Variants in ZFAND3 observed in about 807,000 individuals in gnomAD.
The protein encoded by ZFAND3 is AN1-type zinc finger protein 3.
Under a neutral mutation model 29.6 loss-of-function variants are expected in ZFAND3, and 10 were observed. The ratio of observed to expected loss-of-function variants is 0.34; its 90% CI spans 0.21 to 0.57. ZFAND3 has a LOEUF of 0.57. Among genes scored for constraint, ZFAND3 ranks in the 20% least tolerant of loss-of-function variants. The pLI is 0.86. For missense variants in ZFAND3, 230 were observed against 304.5 expected (o/e 0.76, Z 1.82); for synonymous variants, 128 against 112.6 (o/e 1.14, Z -0.87).
intron 1 of ZFAND3, among the ~76,000 whole-genome samples, chr6:37,882,361 G>GC (rs952818346): frequency 5.9e-5 from 9 of 151,856 alleles, no homozygotes; most frequent in South Asian, 2.1e-4. Flanking sequence ...TGATATAGCC[G>GC]CCCCCCCAAT....
At chr6:37,830,534 A>G (rs1763841013) in intron 1 of ZFAND3, among the ~76,000 whole-genome samples, 1 of 152,222 alleles carries the variant, frequency 6.6e-6, no homozygotes, top group Non-Finnish European at 1.5e-5. Context: ...GTTTAGTGGA[A>G]ATAGCAGCAG....
chr6:38,016,861 T>G (rs1763260614), intron 2 of ZFAND3, among the ~76,000 whole-genome samples: 1 of 152,172 alleles, frequency 6.6e-6, no homozygotes, highest in Non-Finnish European at 1.5e-5. Context: ...TCTAGAAATA[T>G]TATTAAATAT....
intron 2 of ZFAND3, among the ~76,000 whole-genome samples, chr6:38,039,449 G>A (rs1452009693): frequency 6.6e-6 from 1 of 152,110 alleles, no homozygotes; most frequent in African/African-American, 2.4e-5. Flanking sequence ...GGTTGTAAAG[G>A]ATTTATAATT....
Position 38,153,813 on chromosome 6 carries a change from T to G in ZFAND3, c.*1424T>G. On this transcript the variant is annotated 3_prime_UTR_variant, in exon 6 of 6. Coordinates refer to ENST00000287218, the MANE Select transcript of ZFAND3 (RefSeq NM_021943.3). ...CCAGTGGTCCTAGTGCCGCATCAGA[T>G]CCAGGTGGGTGAGGGCAGGAGGCCC... 1 of 985,506 alleles carries G rather than the reference T, an allele frequency of 1.0e-6. No individual in the cohort carries two copies. 61.0% of individuals were successfully genotyped at this position (985,506 alleles called of 1,614,324 possible). A position where few individuals can be genotyped will look rare whatever the true frequency, so the allele number is the denominator to read the frequency against.
intron 2 of ZFAND3, among the ~76,000 whole-genome samples, chr6:37,969,359 C>A (rs373874494): frequency 6.6e-6 from 1 of 152,032 alleles, no homozygotes; most frequent in African/African-American, 2.4e-5. Flanking sequence ...TTGAAAATGC[C>A]GTAAGTCAAA....
In ZFAND3 at chr6:38,010,843, C is replaced by T. The variant is rs146166276; in HGVS notation, c.113-50750C>T. Among the ~76,000 whole-genome samples the T allele has an allele frequency of 9.3e-3, 1,407 of 151,582 alleles. 17 individuals carry two copies. Among genetic ancestry groups the T allele is most frequent in the African/African-American group, 0.033 (1,347 of 41,308 alleles). On this transcript the variant is annotated intron_variant, in intron 2 of 5. Transcript: ENST00000287218. The stretch of plus-strand genomic sequence containing the variant: ...CTCAAACTCCTGACCTCAGGTGATC[C>T]GCTCACCTCGGCCTCCCAAAGTGCT...
At chr6:38,151,418 T>G (rs951119281) in intron 5 of ZFAND3, among the ~76,000 whole-genome samples, 11 of 151,952 alleles carry the variant, frequency 7.2e-5, no homozygotes, top group Non-Finnish European at 1.5e-4. Flanking sequence ...CTCTCTCACC[T>G]ACCCAGTGGA....
chr6:38,094,062 AG>A, intron 4 of ZFAND3, among the ~76,000 whole-genome samples: 1 of 152,328 alleles, frequency 6.6e-6, no homozygotes, highest in East Asian at 1.9e-4. Flanking sequence ...AGATTTTCTC[AG>A]TAAATGAGTA....
At chr6:37,906,129 T>G (rs987076865) in intron 1 of ZFAND3, among the ~76,000 whole-genome samples, 1 of 152,130 alleles carries the variant, frequency 6.6e-6, no homozygotes, top group Non-Finnish European at 1.5e-5. Flanking sequence ...TGTTATGCAG[T>G]CATCACTGTC....
At chr6:37,976,657 C>T (rs1762484138) in intron 2 of ZFAND3, among the ~76,000 whole-genome samples, 1 of 150,954 alleles carries the variant, frequency 6.6e-6, no homozygotes, top group Admixed American at 6.6e-5. Context: ...TTAATTGACT[C>T]ACAGTTCTGC....
chr6:37,946,626 C>G (rs1472406302), intron 2 of ZFAND3, among the ~76,000 whole-genome samples: 1 of 152,028 alleles, frequency 6.6e-6, no homozygotes, highest in African/African-American at 2.4e-5. Flanking sequence ...AATTTTTTTA[C>G]TAATTTCCCT....
At chr6:37,950,403 A>G (rs1475812210) in intron 2 of ZFAND3, among the ~76,000 whole-genome samples, 2 of 147,672 alleles carry the variant, frequency 1.4e-5, no homozygotes, top group Admixed American at 1.4e-4. Context: ...TCTGAGTCAG[A>G]GTCTCGCTCT....
chr6:37,996,853 A>G (rs1002347085), intron 2 of ZFAND3, among the ~76,000 whole-genome samples: 3 of 152,140 alleles, frequency 2.0e-5, no homozygotes, highest in East Asian at 1.9e-4. Context: ...ATTGTTGCAT[A>G]TTATACCATT....
Position 38,152,908 on chromosome 6 carries a change from G to T in ZFAND3, c.*519G>T. ...ACGGGAGGCTGCTGAGATTGGCCAC[G>T]TGGCTGGGCTGGGTGGTGGCCTCAC... On this transcript the variant is annotated 3_prime_UTR_variant, in exon 6 of 6. Transcript: ENST00000287218. 17 of 985,972 alleles carry T rather than the reference G, an allele frequency of 1.7e-5. No individual in the cohort carries two copies. Among genetic ancestry groups the T allele is most frequent in the Non-Finnish European group, 2.0e-5 (17 of 830,002 alleles). The allele number at this position is 985,972 out of a possible 1,614,324, so 61.1% of individuals were successfully genotyped here.
chr6:37,852,050 G>A (rs1764291396), intron 1 of ZFAND3, among the ~76,000 whole-genome samples: 1 of 152,188 alleles, frequency 6.6e-6, no homozygotes, highest in Non-Finnish European at 1.5e-5. Flanking sequence ...ATATCACAGA[G>A]CCTACTGTGA....
chr6:37,982,493 T>G (rs1333337754), intron 2 of ZFAND3, among the ~76,000 whole-genome samples: 3 of 152,184 alleles, frequency 2.0e-5, no homozygotes, highest in Non-Finnish European at 4.4e-5. Flanking sequence ...TATGCAACAG[T>G]GGTCCCATAA....
intron 1 of ZFAND3, among the ~76,000 whole-genome samples, chr6:37,877,830 A>G (rs1413914468): frequency 6.6e-6 from 1 of 151,648 alleles, no homozygotes; most frequent in Non-Finnish European, 1.5e-5. Flanking sequence ...GAGCCAAACC[A>G]GACAAAGTCT....
chr6:37,976,198 C>T (rs1762475068), intron 2 of ZFAND3, among the ~76,000 whole-genome samples: 1 of 152,084 alleles, frequency 6.6e-6, no homozygotes. Flanking sequence ...TATCTGTAAA[C>T]TTGGTAAACT....
At chr6:38,012,963 A>G (rs1412260143) in intron 2 of ZFAND3, among the ~76,000 whole-genome samples, 1 of 152,192 alleles carries the variant, frequency 6.6e-6, no homozygotes, top group African/African-American at 2.4e-5. Flanking sequence ...AGTTACCTTA[A>G]ATATCAACAT....
Sources: gnomAD v4.1 joint callset for allele counts (sites outside exome capture counted in the v4.1 genomes callset) on GRCh38, gnomAD v4.1.1 for gene constraint, MANE v1.5 for transcripts, NCBI Gene and HGNC (gene_info 2026-07-23, HGNC 2026-07-21) for gene names.